The following ADAMTSL1 variants were observed in gnomAD, a reference collection of about 807,000 sequenced individuals.
ADAMTSL1 encodes ADAMTS like 1, also known as ADAMTS-like protein 1.
A neutral mutation model predicts 201.8 loss-of-function variants in ADAMTSL1; 126 were observed. That is an observed-to-expected ratio of 0.62 (90% CI 0.54 to 0.72). ADAMTSL1 has a LOEUF of 0.72. ADAMTSL1 is among the 30% of genes least tolerant of loss of function. The pLI is 0.00. For synonymous variants in ADAMTSL1, 1,121 were observed against 903.4 expected (o/e 1.24, Z -4.32); for missense variants, 2,679 against 2,277.8 (o/e 1.18, Z -3.59).
At chr9:18,260,490 T>C (rs527365980) in intron 2 of ADAMTSL1, among the ~76,000 whole-genome samples, 2 of 152,374 alleles carry the variant, frequency 1.3e-5, no homozygotes, top group African/African-American at 2.4e-5. Context: ...TGTCCATTGT[T>C]GGGCTACCTG....
At chr9:18,354,749 A>G (rs570021682) in intron 2 of ADAMTSL1, among the ~76,000 whole-genome samples, 12 of 152,114 alleles carry the variant, frequency 7.9e-5, no homozygotes, top group Admixed American at 2.0e-4. Context: ...TGGTGGATCA[A>G]CTGAGGTCAG....
Position 18,397,181 on chromosome 9 carries a change from G to T in ADAMTSL1, c.208-107648G>T, listed in dbSNP as rs571188152. Among the ~76,000 whole-genome samples, 8 of 152,156 alleles carry T rather than the reference G, an allele frequency of 5.3e-5. No homozygotes were observed. The South Asian group carries it at 1.7e-3, about 32-fold the overall frequency. ...CCCCACTCTTTTACCCTTATCCACA[G>T]GTGGTATTCTTGAAATGATTTTCTA... On this transcript the variant is annotated intron_variant, in intron 2 of 29. Coordinates refer to the ADAMTSL1 transcript ENST00000680146.
intron 2 of ADAMTSL1, among the ~76,000 whole-genome samples, chr9:18,280,634 T>A (rs1832747334): frequency 6.6e-6 from 1 of 152,168 alleles, no homozygotes; most frequent in Admixed American, 6.5e-5. Flanking sequence ...GTACATTATT[T>A]GTCACATGTG....
chr9:18,805,350 C>A (rs1221891054), intron 20 of ADAMTSL1, among the ~76,000 whole-genome samples: 1 of 152,230 alleles, frequency 6.6e-6, no homozygotes, highest in Non-Finnish European at 1.5e-5. Context: ...TACCTCTCCT[C>A]TTACCTGTCT....
intron 2 of ADAMTSL1, among the ~76,000 whole-genome samples, chr9:18,293,929 T>G (rs1256797028): frequency 6.6e-6 from 1 of 152,156 alleles, no homozygotes; most frequent in Non-Finnish European, 1.5e-5. Context: ...TATATTACAA[T>G]AGCCATATTA....
chr9:18,228,389 T>C (rs1423830906), intron 2 of ADAMTSL1, among the ~76,000 whole-genome samples: 2 of 152,168 alleles, frequency 1.3e-5, no homozygotes, highest in Non-Finnish European at 2.9e-5. Context: ...ATCTGTGTTC[T>C]CATACAAAGG....
At chr9:18,043,634 C>T (rs778232886) in intron 1 of ADAMTSL1, among the ~76,000 whole-genome samples, 39 of 151,944 alleles carry the variant, frequency 2.6e-4, no homozygotes, top group South Asian at 1.0e-3. Context: ...AAGATATGGC[C>T]AGCAGCAAAG....
intron 2 of ADAMTSL1, among the ~76,000 whole-genome samples, chr9:18,398,235 C>T (rs766947245): frequency 8.5e-5 from 13 of 152,066 alleles, no homozygotes; most frequent in African/African-American, 1.4e-4. Flanking sequence ...AACATATGTG[C>T]GGTTGAATTA....
intron 1 of ADAMTSL1, among the ~76,000 whole-genome samples, chr9:18,011,585 A>T (rs1012146181): frequency 3.9e-5 from 6 of 152,050 alleles, no homozygotes; most frequent in Non-Finnish European, 7.4e-5. Flanking sequence ...CTCTTTTGCT[A>T]GATGGCACTT....
intron 2 of ADAMTSL1, among the ~76,000 whole-genome samples, chr9:18,526,553 G>T (rs1421627677): frequency 4.6e-5 from 7 of 152,152 alleles, no homozygotes; most frequent in Non-Finnish European, 1.0e-4. Context: ...TTACAATTTG[G>T]CATGTTTTTG....
chr9:18,485,588 G>A (rs1391814026), intron 1 of ADAMTSL1, among the ~76,000 whole-genome samples: 1 of 152,198 alleles, frequency 6.6e-6, no homozygotes, highest in Non-Finnish European at 1.5e-5. Context: ...TGTCTGATGT[G>A]TCCCAGGCAC....
At chr9:18,050,548 G>A (rs1464616808) in intron 1 of ADAMTSL1, among the ~76,000 whole-genome samples, 2 of 152,166 alleles carry the variant, frequency 1.3e-5, no homozygotes, top group African/African-American at 2.4e-5. Flanking sequence ...ATCAAAATAA[G>A]CTCTGTGTGA....
chr9:17,980,814 C>G (rs1588516375), intron 1 of ADAMTSL1, among the ~76,000 whole-genome samples: 1 of 152,164 alleles, frequency 6.6e-6, no homozygotes, highest in African/African-American at 2.4e-5. Flanking sequence ...GTTCTGCAGG[C>G]TGTATAAGAA....
At chr9:18,295,341 T>C (rs964109813) in intron 2 of ADAMTSL1, among the ~76,000 whole-genome samples, 5 of 150,268 alleles carry the variant, frequency 3.3e-5, no homozygotes, top group African/African-American at 1.2e-4. Context: ...GCAACCGTTA[T>C]TCATTTTTTT....
At chr9:17,948,909 G>T (rs1827619542) in intron 1 of ADAMTSL1, among the ~76,000 whole-genome samples, 1 of 152,148 alleles carries the variant, frequency 6.6e-6, no homozygotes, top group Non-Finnish European at 1.5e-5. Context: ...TCTCTAGAAG[G>T]TTGATATTAC....
chr9:17,998,165 TAAAA>T (rs1819460429), intron 1 of ADAMTSL1, among the ~76,000 whole-genome samples: 1 of 152,056 alleles, frequency 6.6e-6, no homozygotes, highest in African/African-American at 2.4e-5. Flanking sequence ...AGACATGTGT[TAAAA>T]GAATACATAT....
rs548622895 is a variant in ADAMTSL1, at chr9:18,900,089, A to G, written c.4852-5693A>G. Among the ~76,000 whole-genome samples, 3 of 152,360 alleles carry G rather than the reference A, an allele frequency of 2.0e-5. No homozygotes were observed. In the South Asian group the frequency reaches 6.2e-4, roughly 32 times the overall value. On this transcript the variant is annotated intron_variant, in intron 26 of 28. Transcript: ENST00000380548. ...CAAGAGGAACTTAAAAAAATTTACA[A>G]GAAAATAACTCCATTAAAAAGCAAG...
At chr9:17,969,874 T>C (rs1270900016) in intron 1 of ADAMTSL1, among the ~76,000 whole-genome samples, 2 of 152,068 alleles carry the variant, frequency 1.3e-5, no homozygotes, top group Admixed American at 6.6e-5. Flanking sequence ...GTTTTGGTGT[T>C]AAGAGTTTAT....
chr9:18,657,403 C>G (rs528902038), intron 7 of ADAMTSL1, among the ~76,000 whole-genome samples: 5 of 152,164 alleles, frequency 3.3e-5, no homozygotes, highest in African/African-American at 1.2e-4. Context: ...AGATATTGTT[C>G]TCCCTTGCTC....
Sources: allele counts gnomAD v4.1 joint callset (sites outside exome capture counted in the v4.1 genomes callset), GRCh38; gene constraint gnomAD v4.1.1; transcripts MANE v1.5; gene names NCBI Gene and HGNC (gene_info 2026-07-23, HGNC 2026-07-21).